PBRM1: variants seen among roughly 807,000 people sequenced by gnomAD.
PBRM1 encodes the protein protein polybromo-1.
Under a neutral mutation model 194.5 loss-of-function variants are expected in PBRM1, and 27 were observed. The observed-to-expected ratio is 0.14, with a 90% CI of 0.10 to 0.19. The LOEUF (loss-of-function observed/expected upper bound fraction) is 0.19, where lower values mean the gene tolerates loss of function less well. Among genes scored for constraint, PBRM1 ranks in the 10% least tolerant of loss-of-function variants. The probability of loss-of-function intolerance (pLI) is 1.00; values close to 1 mark genes in which losing one functional copy is unlikely to be tolerated. For missense variants in PBRM1, 1,466 were observed against 2,077.2 expected (o/e 0.71, Z 5.72); for synonymous variants, 655 against 693.2 (o/e 0.94, Z 0.87).
intron 23 of PBRM1, among the ~76,000 whole-genome samples, chr3:52,563,807 C>T (rs2084311211): frequency 6.6e-6 from 1 of 151,568 alleles, no homozygotes; most frequent in Non-Finnish European, 1.5e-5. Flanking sequence ...TAAACCAGAA[C>T]CAAGTGTTTC....
At chr3:52,614,400 CA>C (rs1482035931) in intron 15 of PBRM1, among the ~76,000 whole-genome samples, 1 of 98,040 alleles carries the variant, frequency 1.0e-5, no homozygotes, top group African/African-American at 3.4e-5. Context: ...AAAAAAAAAG[CA>C]AAAAAGCTAG....
At chr3:52,652,114 T>C (rs1414857264) in intron 5 of PBRM1, among the ~76,000 whole-genome samples, 1 of 152,212 alleles carries the variant, frequency 6.6e-6, no homozygotes, top group East Asian at 1.9e-4. Flanking sequence ...CCGGGTGCGG[T>C]AGCTCACGCC....
intron 29 of PBRM1, among the ~76,000 whole-genome samples, chr3:52,549,023 GTT>G (rs530711822): frequency 4.3e-5 from 6 of 138,368 alleles, no homozygotes; most frequent in Non-Finnish European, 3.2e-5. Context: ...AGGTAAAATA[GTT>G]TTTTTTTTTT....
intron 2 of PBRM1, among the ~76,000 whole-genome samples, chr3:52,672,870 T>A (rs2096981767): frequency 6.6e-6 from 1 of 152,150 alleles, no homozygotes; most frequent in Non-Finnish European, 1.5e-5. Flanking sequence ...TAGGGGAACA[T>A]ACCTTCCATA....
intron 10 of PBRM1, among the ~76,000 whole-genome samples, chr3:52,635,225 C>A (rs770025558): frequency 2.6e-5 from 4 of 151,976 alleles, no homozygotes; most frequent in Non-Finnish European, 4.4e-5. Flanking sequence ...CCACGCCTGG[C>A]CCTTTTTTAA....
At chr3:52,603,587 C>G in exon 17 of PBRM1, 1 of 1,611,368 alleles carries the variant, frequency 6.2e-7, no homozygotes, top group Non-Finnish European at 8.5e-7. Flanking sequence ...TCCTTTCTCT[C>G]TTTCTCCACA....
At chr3:52,561,949 T>C (rs2083638267) in exon 25 of PBRM1, 8 of 1,613,876 alleles carry the variant, frequency 5.0e-6, no homozygotes, top group East Asian at 4.5e-5. Flanking sequence ...TGCACTGCCT[T>C]TGGCAGACTT....
At position 52,593,940 on chromosome 3, in the gene PBRM1, G is replaced by A. The variant is rs1270392882; in HGVS notation, c.2780-4685C>T. Among the ~76,000 whole-genome samples, 3 of 152,190 alleles carry A rather than the reference G, an allele frequency of 2.0e-5. 1 individual carries two copies. The highest frequency in any genetic ancestry group is 4.8e-5 in the African/African-American group (2 of 41,448). On this transcript the variant is annotated intron_variant, in intron 17 of 29. Coordinates refer to ENST00000296302, the Ensembl canonical transcript of PBRM1. ...GGAGAGTTCTCTAGATGTCTATCAG[G>A]TACATTTGGCCCAGTGTTGTGTTCA...
At position 52,595,197 on chromosome 3, in the gene PBRM1, A is replaced by AT. The variant is rs953732217; in HGVS notation, c.2780-5943dup. ...TCTTTAAAGTTGCTGTCCTTTGGCT[A>AT]TTTTTTTTTTCATTCTTTTATCCTA... On this transcript the variant is annotated intron_variant, in intron 17 of 29. Transcript: ENST00000296302. 3.7e-3 allele frequency among the ~76,000 whole-genome samples: 545 copies of AT among 147,114 alleles called. 2 individuals are homozygous for AT. Among genetic ancestry groups the AT allele is most frequent in the Admixed American group, 0.017 (250 of 14,792 alleles).
chr3:52,629,785 T>C (rs1294393631), intron 11 of PBRM1, among the ~76,000 whole-genome samples: 2 of 152,230 alleles, frequency 1.3e-5, no homozygotes, highest in Non-Finnish European at 2.9e-5. Context: ...TTTAAATCTT[T>C]TGATTGTAGC....
chr3:52,679,591 G>T (rs1317265743), exon 1 of PBRM1: 2 of 1,613,226 alleles, frequency 1.2e-6, no homozygotes, highest in East Asian at 2.2e-5. Flanking sequence ...ACAGTTGGAA[G>T]ATTGGAAAGT....
intron 10 of PBRM1, among the ~76,000 whole-genome samples, chr3:52,641,446 C>CAAAAAAAAAAAAAAAAAAAAAAAA (rs386396638): frequency 4.3e-5 from 3 of 69,930 alleles, no homozygotes; most frequent in Non-Finnish European, 7.9e-5. Flanking sequence ...GACTCCATCT[C>CAAAAAAAAAAAAAAAAAAAAAAAA]AAAAAAAAAA....
intron 1 of PBRM1, among the ~76,000 whole-genome samples, chr3:52,685,090 T>C (rs929544424): frequency 1.3e-4 from 20 of 152,240 alleles, no homozygotes; most frequent in Non-Finnish European, 2.9e-5. Flanking sequence ...CATACGCTTC[T>C]ATAATTATTG....
chr3:52,652,209 C>T (rs2096515559), intron 5 of PBRM1, among the ~76,000 whole-genome samples: 1 of 151,584 alleles, frequency 6.6e-6, no homozygotes, highest in South Asian at 2.1e-4. Flanking sequence ...CATGGTGAAA[C>T]CCCATCTCTA....
At chr3:52,624,497 T>C (rs1183899592) in intron 13 of PBRM1, among the ~76,000 whole-genome samples, 1 of 152,222 alleles carries the variant, frequency 6.6e-6, no homozygotes, top group Non-Finnish European at 1.5e-5. Flanking sequence ...CATGCACTGA[T>C]GTCACTCAGA....
intron 22 of PBRM1, among the ~76,000 whole-genome samples, chr3:52,567,272 T>C (rs2085551398): frequency 6.6e-6 from 1 of 152,112 alleles, no homozygotes; most frequent in Non-Finnish European, 1.5e-5. Flanking sequence ...TCTATGTTGT[T>C]TCCCAATGTT....
chr3:52,648,395 G>C (rs1560758576), exon 7 of PBRM1: 1 of 1,609,778 alleles, frequency 6.2e-7, no homozygotes, highest in East Asian at 2.2e-5. Context: ...TTTTTGCGAG[G>C]AGATCTATAT....
At position 52,609,591 on chromosome 3, in the gene PBRM1, C is replaced by A; in HGVS notation, c.2289G>T (p.Leu763=). The change falls in exon 16 of 30, where the codon CTG becomes CTT. Residue 763 remains leucine (L), a synonymous_variant. Transcript: ENST00000296302. This position sits in a 1 kb window ranked among gnomAD's most constrained non-coding sequence, Gnocchi z 4.1. ...GGACATGAGAGTCCTCATCTCCCTC[C>A]AGGTCTCTGCGTGTTTCAAGCAGGA... is the stretch of plus-strand genomic sequence containing the variant. 2 of 1,613,144 alleles carry A rather than the reference C, an allele frequency of 1.2e-6. No homozygotes were observed. Among genetic ancestry groups the A allele is most frequent in the Non-Finnish European group, 1.7e-6 (2 of 1,179,576 alleles).
chr3:52,607,403 C>T (rs1576614975), intron 16 of PBRM1, among the ~76,000 whole-genome samples: 1 of 152,218 alleles, frequency 6.6e-6, no homozygotes, highest in East Asian at 1.9e-4. Flanking sequence ...CTCTATCTTC[C>T]AGGCCTCAAA....
Sources: allele counts gnomAD v4.1 joint callset (sites outside exome capture counted in the v4.1 genomes callset), GRCh38; gene constraint gnomAD v4.1.1; non-coding constraint Gnocchi (gnomAD v3.1); transcripts MANE v1.5; gene names NCBI Gene and HGNC (gene_info 2026-07-23, HGNC 2026-07-21).